Variants in ATP2B2 observed in about 807,000 individuals in gnomAD.
ATP2B2 encodes the protein ATPase plasma membrane Ca2+ transporting 2.
A neutral mutation model predicts 120.0 loss-of-function variants in ATP2B2; 15 were observed. That is an observed-to-expected ratio of 0.12 (90% confidence interval 0.08 to 0.19). ATP2B2 has a LOEUF of 0.19. Ranked by LOEUF, ATP2B2 falls within the 10% of genes least tolerant of loss-of-function variation. The pLI is 1.00. For synonymous variants in ATP2B2, 694 were observed against 700.3 expected (o/e 0.99, Z 0.14); for missense variants, 1,045 against 1,719.8 (o/e 0.61, Z 6.94).
At chr3:10,550,760 C>T (rs912759314) in intron 2 of ATP2B2, among the ~76,000 whole-genome samples, 15 of 152,138 alleles carry the variant, frequency 9.9e-5, no homozygotes, top group Admixed American at 7.9e-4. Context: ...GTCTATGGAA[C>T]GAGTTGCAGA....
rs1279349866 is a variant in ATP2B2, at chr3:10,340,935, C to T, written c.2918-231G>A. Among the ~76,000 whole-genome samples, 2 of 152,176 alleles carry T rather than the reference C, an allele frequency of 1.3e-5. No individual in the cohort carries two copies. The highest frequency in any genetic ancestry group is 1.9e-4 in the East Asian group (1 of 5,192). ...GGGAAGAAAGGCCTTGGGCAACTGT[C>T]TTCCACTTTTTCTGTGGAAACCCGA... On this transcript the variant is annotated intron_variant, in intron 19 of 22. Coordinates refer to ENST00000360273, the MANE Select transcript of ATP2B2 (RefSeq NM_001001331.4). The surrounding 1 kb of genome is among the most constrained non-coding windows in gnomAD (Gnocchi z 5.0).
intron 2 of ATP2B2, among the ~76,000 whole-genome samples, chr3:10,555,916 G>A (rs2067768069): frequency 6.6e-6 from 1 of 152,090 alleles, no homozygotes; most frequent in African/African-American, 2.4e-5. Flanking sequence ...ATTTTATTTT[G>A]GAGATGGAGT....
chr3:10,543,950 G>A (rs2067490472), intron 2 of ATP2B2, among the ~76,000 whole-genome samples: 1 of 152,088 alleles, frequency 6.6e-6, no homozygotes, highest in Non-Finnish European at 1.5e-5. Flanking sequence ...CGTTGGCCAG[G>A]CTGGTCTCCA....
intron 1 of ATP2B2, among the ~76,000 whole-genome samples, chr3:10,482,294 T>G (rs1160186124): frequency 6.6e-6 from 1 of 152,138 alleles, no homozygotes; most frequent in African/African-American, 2.4e-5. Flanking sequence ...CCAGGCCACA[T>G]GGTGAGGGCA....
At position 10,659,177 on chromosome 3, in the gene ATP2B2, C is replaced by G. The variant is rs538713273; in HGVS notation, c.-459-39216G>C. ...AAAGACCATCGATGCTAGGAAGAAA[C>G]TGCATCAACTAATGAGCAAAATAAC... On this transcript the variant is annotated intron_variant, in intron 1 of 21. Coordinates refer to the ATP2B2 transcript ENST00000646379. Among the ~76,000 whole-genome samples, 815 of 152,318 alleles carry G rather than the reference C, an allele frequency of 5.4e-3. 5 individuals carry two copies. The highest frequency in any genetic ancestry group is 1.0e-2 in the Non-Finnish European group (677 of 68,036).
intron 2 of ATP2B2, among the ~76,000 whole-genome samples, chr3:10,444,793 A>C (rs998809909): frequency 2.6e-5 from 4 of 152,348 alleles, no homozygotes; most frequent in African/African-American, 9.6e-5. Context: ...CATCTGCTCC[A>C]TGGGTGACAC....
intron 3 of ATP2B2, among the ~76,000 whole-genome samples, chr3:10,405,943 G>A (rs1430381776): frequency 6.6e-6 from 1 of 152,204 alleles, no homozygotes; most frequent in Non-Finnish European, 1.5e-5. Flanking sequence ...TCCTAGCCCT[G>A]CCATGAACAT....
intron 2 of ATP2B2, among the ~76,000 whole-genome samples, chr3:10,609,056 G>A (rs925980946): frequency 6.6e-6 from 1 of 152,228 alleles, no homozygotes; most frequent in Non-Finnish European, 1.5e-5. Context: ...TCCTGCCGCT[G>A]CTTCATGGAA....
At chr3:10,656,756 C>T (rs2070639721) in intron 1 of ATP2B2, among the ~76,000 whole-genome samples, 1 of 152,222 alleles carries the variant, frequency 6.6e-6, no homozygotes, top group South Asian at 2.1e-4. Flanking sequence ...AAGGAACCAA[C>T]AGGGCAATGT....
In ATP2B2 at chr3:10,664,217, C is replaced by G. The variant is rs536570369; in HGVS notation, c.-460+43698G>C. ...TCCCTTTTCCTTTTATCACCTGCAG[C>G]TGTCACCCCCGCAGCATGTTTCTAA... On this transcript the variant is annotated intron_variant, in intron 1 of 21. Transcript: ENST00000646379. 5.3e-5 allele frequency among the ~76,000 whole-genome samples: 8 copies of G among 152,250 alleles called. No homozygotes were observed. In the East Asian group the frequency reaches 1.5e-3, roughly 29 times the overall value.
At chr3:10,524,380 C>A (rs575508124) in intron 3 of ATP2B2, among the ~76,000 whole-genome samples, 13 of 152,204 alleles carry the variant, frequency 8.5e-5, no homozygotes, top group Non-Finnish European at 1.9e-4. Context: ...GAGGCGAGTG[C>A]CATTGCTATC....
intron 2 of ATP2B2, among the ~76,000 whole-genome samples, chr3:10,431,979 G>A (rs1345083704): frequency 1.3e-5 from 2 of 152,058 alleles, no homozygotes; most frequent in Admixed American, 6.5e-5. Context: ...CATCACTCCC[G>A]GCACTTTTCA....
chr3:10,606,962 GAGAGAGAGAGAGAGAGAAAGAA>G, intron 2 of ATP2B2, among the ~76,000 whole-genome samples: 2 of 74,160 alleles, frequency 2.7e-5, no homozygotes, highest in African/African-American at 1.1e-4. Context: ...GGGAGGGGGG[GAGAGAGAGAGAGAGAGAAAGAA>G]AGAGAGAGAG....
chr3:10,457,684 C>G (rs970177247), intron 1 of ATP2B2, among the ~76,000 whole-genome samples: 1 of 152,052 alleles, frequency 6.6e-6, no homozygotes, highest in Admixed American at 6.5e-5. Flanking sequence ...GACAATCTCA[C>G]AAACTCTCAC....
chr3:10,376,979 C>T (rs2125527755), intron 10 of ATP2B2, among the ~76,000 whole-genome samples: 1 of 152,282 alleles, frequency 6.6e-6, no homozygotes, highest in East Asian at 1.9e-4. Context: ...CAGGTCTCAC[C>T]TGAGAGCACC....
At chr3:10,409,757 A>T (rs2062542979) in intron 3 of ATP2B2, among the ~76,000 whole-genome samples, 1 of 152,244 alleles carries the variant, frequency 6.6e-6, no homozygotes, top group Non-Finnish European at 1.5e-5. Flanking sequence ...TATTTAGGGA[A>T]AATGAGGCCC....
intron 2 of ATP2B2, among the ~76,000 whole-genome samples, chr3:10,556,544 C>T (rs762167819): frequency 2.6e-5 from 4 of 152,242 alleles, no homozygotes; most frequent in African/African-American, 4.8e-5. Context: ...TCTGAGGACG[C>T]GGCCTTAAGC....
chr3:10,579,423 A>G (rs1165314243), intron 2 of ATP2B2, among the ~76,000 whole-genome samples: 1 of 152,238 alleles, frequency 6.6e-6, no homozygotes, highest in Non-Finnish European at 1.5e-5. Flanking sequence ...CTGTAATCCC[A>G]GCACTTTGGG....
intron 1 of ATP2B2, among the ~76,000 whole-genome samples, chr3:10,622,749 T>TTAA (rs2069585253): frequency 6.6e-6 from 1 of 152,202 alleles, no homozygotes; most frequent in Non-Finnish European, 1.5e-5. Context: ...TGCAGAGGCT[T>TTAA]TAATCAGGAT....
Sources: gnomAD v4.1 joint callset for allele counts (sites outside exome capture counted in the v4.1 genomes callset) on GRCh38, gnomAD v4.1.1 for gene constraint, Gnocchi (gnomAD v3.1) non-coding constraint, MANE v1.5 for transcripts, NCBI Gene and HGNC (gene_info 2026-07-23, HGNC 2026-07-21) for gene names.